Variants in NEDD4 observed in about 807,000 individuals in gnomAD.
The protein encoded by NEDD4 is NEDD4 E3 ubiquitin protein ligase.
NEDD4 carries 99 observed loss-of-function variants against 144.9 expected under a neutral mutation model. That is an observed-to-expected ratio of 0.68 (90% CI 0.58 to 0.81). The LOEUF is 0.81. Among genes scored for constraint, NEDD4 ranks in the 30% least tolerant of loss-of-function variants. The pLI is 0.00. For missense variants in NEDD4, 985 were observed against 1,065.9 expected, an observed-to-expected ratio of 0.92 and a Z score of 1.06; for synonymous variants, 318 against 350.6, an observed-to-expected ratio of 0.91 and a Z score of 1.04.
chr15:55,869,550 A>G (rs756704044), intron 8 of NEDD4, 29 bp downstream of exon 8: 3 of 1,370,336 alleles, frequency 2.2e-6, no homozygotes, highest in Admixed American at 2.2e-5. Context: ...AAATTTTTTT[A>G]GTTTAACCAA....
In NEDD4 at chr15:55,892,266, CAATAAATAAATAAATAAATAAATAAATA is replaced by C. The variant is rs138951402; in HGVS notation, c.292-18286_292-18259del. 6.7e-3 allele frequency among the ~76,000 whole-genome samples: 932 copies of C among 138,182 alleles called. 5 individuals carry two copies. The highest frequency in any genetic ancestry group is 0.011 in the East Asian group (52 of 4,788). 90.7% of individuals were successfully genotyped at this position (138,182 alleles called of 152,430 possible). The stretch of plus-strand genomic sequence containing the variant: ...TAGGCAAAAGAGCAAAACTCCAACT[CAATAAATAAATAAATAAATAAATAAATA>C]AATAAATAAATAAATAAATAAATAA... On this transcript the variant is annotated intron_variant, in intron 5 of 28. Coordinates refer to ENST00000435532, the MANE Select transcript of NEDD4 (RefSeq NM_006154.4).
chr15:55,850,728 G>C lies in NEDD4; in HGVS notation c.1161C>G (p.Thr387=). ...AACTCTGGCTTGAGGTCAGCTGACT[G>C]GTCTCCACTGTGGCCTAGCACATTA... ...TKPTVQATVE[T]SQLTSSQSSA... is the part of the protein sequence containing the mutation. Residue 387 remains threonine (T), a synonymous_variant, in exon 14 of 29, where the codon ACC becomes ACG. Transcript: ENST00000435532. 6.2e-7 allele frequency: 1 copy of C among 1,613,496 alleles called. No homozygotes were observed. The highest frequency in any genetic ancestry group is 1.3e-5 in the African/African-American group (1 of 75,010).
At chr15:55,935,623 G>T (rs771877576) in intron 4 of NEDD4, among the ~76,000 whole-genome samples, 6 of 152,048 alleles carry the variant, frequency 3.9e-5, no homozygotes, top group Non-Finnish European at 8.8e-5. Context: ...TGAGGCAGAC[G>T]GATCATGAGG....
chr15:55,940,240 G>C (rs1297212922), intron 4 of NEDD4, among the ~76,000 whole-genome samples: 1 of 149,728 alleles, frequency 6.7e-6, no homozygotes, highest in Admixed American at 6.6e-5. Context: ...TACATATCAA[G>C]TGTTCTTACC....
intron 24 of NEDD4, among the ~76,000 whole-genome samples, chr15:55,837,079 C>G (rs2141970087): frequency 6.6e-6 from 1 of 152,130 alleles, no homozygotes; most frequent in East Asian, 1.9e-4. Context: ...AATATAGCCA[C>G]AAAGAAAGGC....
intron 5 of NEDD4, among the ~76,000 whole-genome samples, chr15:55,897,750 G>A (rs1322791597): frequency 2.0e-5 from 3 of 152,120 alleles, no homozygotes; most frequent in African/African-American, 7.2e-5. Context: ...TTCCTGCATC[G>A]TTTACTGTCT....
intron 5 of NEDD4, among the ~76,000 whole-genome samples, chr15:55,918,119 T>C (rs181314443): frequency 1.3e-5 from 2 of 152,248 alleles, no homozygotes; most frequent in South Asian, 2.1e-4. Flanking sequence ...TACATACTTG[T>C]TTACATTTTT....
intron 1 of NEDD4, among the ~76,000 whole-genome samples, chr15:55,967,484 G>GTGTGTA (rs1255324332): frequency 1.3e-5 from 2 of 149,804 alleles, no homozygotes; most frequent in Non-Finnish European, 1.5e-5. Context: ...GTATGTGTGT[G>GTGTGTA]TATACAAATA....
intron 5 of NEDD4, among the ~76,000 whole-genome samples, chr15:55,923,047 G>A (rs1057285287): frequency 2.6e-5 from 4 of 151,742 alleles, no homozygotes; most frequent in African/African-American, 9.7e-5. Flanking sequence ...AGCTGGGCAA[G>A]GAGGCGGGTG....
chr15:55,949,131 GC>G (rs2037181594), intron 4 of NEDD4, among the ~76,000 whole-genome samples: 1 of 152,134 alleles, frequency 6.6e-6, no homozygotes, highest in South Asian at 2.1e-4. Context: ...CCATCAAGAA[GC>G]GGGCGAAGGA....
At chr15:55,847,765 C>A (rs2033809636) in intron 17 of NEDD4, among the ~76,000 whole-genome samples, 1 of 151,670 alleles carries the variant, frequency 6.6e-6, no homozygotes, top group Admixed American at 6.6e-5. Context: ...CAACCTCCGC[C>A]TCCTGGGTTC....
At chr15:55,836,763 G>C (rs2033220743) in intron 24 of NEDD4, among the ~76,000 whole-genome samples, 1 of 152,092 alleles carries the variant, frequency 6.6e-6, no homozygotes, top group Non-Finnish European at 1.5e-5. Flanking sequence ...CCTGACCTCA[G>C]GCAATCTGCC....
chr15:55,925,263 T>G (rs2142235499), intron 4 of NEDD4, among the ~76,000 whole-genome samples: 1 of 152,294 alleles, frequency 6.6e-6, no homozygotes, highest in Middle Eastern at 3.4e-3. Context: ...CGAAAGGAAG[T>G]AAAAGAAAAT....
At chr15:55,931,069 G>C (rs976853333) in intron 4 of NEDD4, among the ~76,000 whole-genome samples, 6 of 152,084 alleles carry the variant, frequency 3.9e-5, no homozygotes, top group Non-Finnish European at 2.9e-5. Flanking sequence ...ATTTTTCAGA[G>C]AAAGAGAAGG....
intron 5 of NEDD4, chr15:55,916,878 A>T (rs368412958): frequency 3.9e-6 from 6 of 1,542,168 alleles, no homozygotes; most frequent in Non-Finnish European, 5.2e-6. Context: ...CATAACAAAG[A>T]TCTCTGTCCG....
At chr15:55,844,366 AGAG>A (rs2033650190) in intron 18 of NEDD4, among the ~76,000 whole-genome samples, 1 of 151,550 alleles carries the variant, frequency 6.6e-6, no homozygotes, top group African/African-American at 2.4e-5. Context: ...GTGGTTTTAA[AGAG>A]GAGAAACAAG....
At chr15:55,962,591 C>G (rs2142322815) in intron 2 of NEDD4, among the ~76,000 whole-genome samples, 1 of 149,806 alleles carries the variant, frequency 6.7e-6, no homozygotes, top group Middle Eastern at 3.7e-3. Context: ...TTACAGATGC[C>G]TGCCACCACA....
chr15:55,968,959 A>C (rs1232636136), intron 1 of NEDD4, among the ~76,000 whole-genome samples: 3 of 152,210 alleles, frequency 2.0e-5, no homozygotes, highest in African/African-American at 7.2e-5. Context: ...AAGCACCTAC[A>C]TAAGAACCAA....
At chr15:55,912,048 T>C (rs2036292567) in intron 5 of NEDD4, among the ~76,000 whole-genome samples, 1 of 152,198 alleles carries the variant, frequency 6.6e-6, no homozygotes, top group Non-Finnish European at 1.5e-5. Flanking sequence ...AATTAACAAT[T>C]CCTCAGTTCT....
Sources: gnomAD v4.1 joint callset for allele counts (sites outside exome capture counted in the v4.1 genomes callset) on GRCh38, gnomAD v4.1.1 for gene constraint, MANE v1.5 for transcripts, NCBI Gene and HGNC (gene_info 2026-07-23, HGNC 2026-07-21) for gene names.